Variants in KCNJ6 observed in about 807,000 individuals in gnomAD.
The protein encoded by KCNJ6 is G protein-activated inward rectifier potassium channel 2.
In KCNJ6, 9 loss-of-function variants were observed where a neutral mutation model predicts 34.2. That is an observed-to-expected ratio of 0.26 (90% confidence interval 0.16 to 0.46). The LOEUF (loss-of-function observed/expected upper bound fraction) is 0.46, where lower values mean the gene tolerates loss of function less well. Ranked by LOEUF, KCNJ6 falls within the 20% of genes least tolerant of loss-of-function variation. KCNJ6 has a pLI of 1.00. For synonymous variants in KCNJ6, 196 were observed against 207.1 expected, an observed-to-expected ratio of 0.95 and a Z score of 0.46; for missense variants, 236 against 531.3, an observed-to-expected ratio of 0.44 and a Z score of 5.46.
intron 1 of KCNJ6, among the ~76,000 whole-genome samples, chr21:37,914,565 G>A (rs960369526): frequency 1.3e-5 from 2 of 152,246 alleles, no homozygotes; most frequent in Non-Finnish European, 2.9e-5. Flanking sequence ...AGCCGGGAAA[G>A]TTTTGTCCAA....
rs1337656560 is a variant in KCNJ6, at chr21:37,741,220, A to G, written c.26-26089T>C. Among the ~76,000 whole-genome samples, 4 of 152,160 alleles carry G rather than the reference A, an allele frequency of 2.6e-5. 1 individual carries two copies. The South Asian group carries it at 8.3e-4, about 31-fold the overall frequency. The stretch of plus-strand genomic sequence containing the variant: ...TTTCAAGACAGAGATTGTTATCCCC[A>G]TGCTGTCTGGACTAGATATTCTCCA... On this transcript the variant is annotated intron_variant, in intron 2 of 3. Coordinates refer to ENST00000609713, the MANE Select transcript of KCNJ6 (RefSeq NM_002240.5).
At chr21:37,888,653 C>T (rs554148544) in intron 1 of KCNJ6, among the ~76,000 whole-genome samples, 7 of 152,194 alleles carry the variant, frequency 4.6e-5, no homozygotes, top group Admixed American at 2.6e-4. Flanking sequence ...CAGCCATCTC[C>T]GTGAAGTTGG....
intron 1 of KCNJ6, among the ~76,000 whole-genome samples, chr21:37,879,580 C>T (rs190623418): frequency 5.3e-5 from 8 of 152,098 alleles, no homozygotes; most frequent in African/African-American, 1.4e-4. Flanking sequence ...CAGAGGAAGG[C>T]CTATTTGCCC....
chr21:37,608,612 G>A lies in KCNJ6; in HGVS notation c.*16547C>T, dbSNP rs1254454710. 1.3e-5 allele frequency: 2 copies of A among 152,164 alleles called. No homozygotes were observed. Among genetic ancestry groups the A allele is most frequent in the African/African-American group, 2.4e-5 (1 of 41,426 alleles). The allele number at this position is 152,164 out of a possible 1,614,324, so 9.4% of individuals were successfully genotyped here. On this transcript the variant is annotated 3_prime_UTR_variant, in exon 4 of 4. Coordinates refer to ENST00000609713, the MANE Select transcript of KCNJ6 (RefSeq NM_002240.5). The stretch of plus-strand genomic sequence containing the variant: ...AAATTTGTTGTGCCTGTCCCTCTTC[G>A]TTTAGGTATTTCTAAAACTAGACTC...
intron 1 of KCNJ6, among the ~76,000 whole-genome samples, chr21:37,898,595 A>AG (rs573345799): frequency 1.2e-3 from 178 of 151,944 alleles, no homozygotes; most frequent in Non-Finnish European, 2.2e-3. Flanking sequence ...AAGAAAAAAA[A>AG]AAAAAAGAAA....
At chr21:37,880,444 A>G (rs541457280) in intron 1 of KCNJ6, among the ~76,000 whole-genome samples, 3 of 152,364 alleles carry the variant, frequency 2.0e-5, no homozygotes, top group South Asian at 4.1e-4. Flanking sequence ...GGCCAAACTC[A>G]CTATCTTCTT....
chr21:37,877,867 T>C (rs567079687), intron 1 of KCNJ6, among the ~76,000 whole-genome samples: 1 of 152,390 alleles, frequency 6.6e-6, no homozygotes, highest in East Asian at 1.9e-4. Flanking sequence ...TCTCTTTTTC[T>C]GGCGCATGCC....
At chr21:37,884,854 T>C (rs937772113) in intron 1 of KCNJ6, among the ~76,000 whole-genome samples, 1 of 152,220 alleles carries the variant, frequency 6.6e-6, no homozygotes, top group Non-Finnish European at 1.5e-5. Context: ...GTCTCACTTC[T>C]ACAGTCAGAA....
At chr21:37,864,252 C>A (rs2055610704) in intron 1 of KCNJ6, among the ~76,000 whole-genome samples, 1 of 152,020 alleles carries the variant, frequency 6.6e-6, no homozygotes, top group African/African-American at 2.4e-5. Flanking sequence ...GCTGGGACAA[C>A]AAGTGTGCAC....
chr21:37,771,694 G>A (rs1308864690), intron 2 of KCNJ6, among the ~76,000 whole-genome samples: 4 of 152,192 alleles, frequency 2.6e-5, no homozygotes, highest in African/African-American at 4.8e-5. Flanking sequence ...CTGATTTATA[G>A]AAAATGATGT....
chr21:37,760,409 A>G (rs1002578779), intron 2 of KCNJ6, among the ~76,000 whole-genome samples: 4 of 152,186 alleles, frequency 2.6e-5, no homozygotes, highest in African/African-American at 7.2e-5. Context: ...CACACCCCTG[A>G]GCCCTGTACT....
chr21:37,706,051 T>C (rs1484795545), intron 3 of KCNJ6, among the ~76,000 whole-genome samples: 2 of 111,838 alleles, frequency 1.8e-5, no homozygotes, highest in Non-Finnish European at 1.8e-5. Context: ...CTCTGTGACA[T>C]GTGCTTCCAC....
chr21:37,911,337 T>C (rs1488066011), intron 1 of KCNJ6, among the ~76,000 whole-genome samples: 1 of 152,228 alleles, frequency 6.6e-6, no homozygotes, highest in African/African-American at 2.4e-5. Context: ...AAAAGTGTTT[T>C]GATGATTTTT....
intron 2 of KCNJ6, among the ~76,000 whole-genome samples, chr21:37,837,680 A>G (rs754758527): frequency 2.0e-5 from 3 of 150,994 alleles, no homozygotes; most frequent in Non-Finnish European, 2.9e-5. Flanking sequence ...ACCCATTCAT[A>G]GCATTGTGTT....
At chr21:37,857,625 A>G (rs1024269215) in intron 1 of KCNJ6, among the ~76,000 whole-genome samples, 1 of 152,022 alleles carries the variant, frequency 6.6e-6, no homozygotes, top group African/African-American at 2.4e-5. Flanking sequence ...ACAGAACTTT[A>G]CTCTAGCCCA....
chr21:37,762,339 A>T (rs573756658), intron 2 of KCNJ6, among the ~76,000 whole-genome samples: 51 of 152,274 alleles, frequency 3.3e-4, no homozygotes, highest in Middle Eastern at 6.8e-3. Flanking sequence ...AGAGCAGCTC[A>T]TCTAAGTTAC....
intron 2 of KCNJ6, among the ~76,000 whole-genome samples, chr21:37,766,706 CA>C (rs990673020): frequency 6.6e-6 from 1 of 152,102 alleles, no homozygotes; most frequent in Admixed American, 6.5e-5. Context: ...GAATCTAGAC[CA>C]GGGGTCCCCA....
intron 3 of KCNJ6, among the ~76,000 whole-genome samples, chr21:37,661,638 T>TTTTTTTTTTTTTTG (rs1601408329): frequency 7.3e-6 from 1 of 136,078 alleles, no homozygotes; most frequent in Non-Finnish European, 1.5e-5. Context: ...TTTTTTTTTT[T>TTTTTTTTTTTTTTG]TTGAGACTGG....
At chr21:37,838,806 T>C (rs755264758) in intron 2 of KCNJ6, among the ~76,000 whole-genome samples, 15 of 152,330 alleles carry the variant, frequency 9.8e-5, no homozygotes, top group Admixed American at 2.6e-4. Flanking sequence ...CATATTGAAT[T>C]GTAACCCCCA....
Sources: allele counts gnomAD v4.1 joint callset (sites outside exome capture counted in the v4.1 genomes callset), GRCh38; gene constraint gnomAD v4.1.1; transcripts MANE v1.5; gene names NCBI Gene and HGNC (gene_info 2026-07-23, HGNC 2026-07-21).